Variants in EMCN observed in about 807,000 individuals in gnomAD.
EMCN encodes endomucin.
A neutral mutation model predicts 38.4 loss-of-function variants in EMCN; 37 were observed. That is an observed-to-expected ratio of 0.96 (90% CI 0.74 to 1.27). The LOEUF (loss-of-function observed/expected upper bound fraction) is 1.27. EMCN is among the 50% of genes most tolerant of loss of function. The probability of loss-of-function intolerance (pLI) is 0.00; values close to 1 mark genes in which losing one functional copy is unlikely to be tolerated. For missense variants in EMCN, 318 were observed against 302.8 expected (o/e 1.05, Z -0.37); for synonymous variants, 95 against 100.8 (o/e 0.94, Z 0.35).
chr4:100,491,498 C>G (rs1729074401), intron 1 of EMCN, among the ~76,000 whole-genome samples: 1 of 152,284 alleles, frequency 6.6e-6, no homozygotes, highest in South Asian at 2.1e-4. Context: ...GCCCCCCTGC[C>G]TCAAGGCTCC....
In EMCN at chr4:100,410,287, T is replaced by C. The variant is rs1309466480; in HGVS notation, c.*34A>G. 2.0e-5 allele frequency: 32 copies of C among 1,604,194 alleles called. No homozygotes were observed. In the Admixed American group the frequency reaches 5.3e-4, roughly 27 times the overall value. On this transcript the variant is annotated 3_prime_UTR_variant, in exon 11 of 12. Transcript: ENST00000296420. ...AATGAAATTGGGAAACTTACGTAATTATTGCCTAGGTGTGGAGAGAATTCC... is the reference window on the plus strand; with the variant it reads ...AATGAAATTGGGAAACTTACGTAATCATTGCCTAGGTGTGGAGAGAATTCC...
intron 2 of EMCN, among the ~76,000 whole-genome samples, chr4:100,477,416 C>T (rs929181752): frequency 6.6e-6 from 1 of 152,142 alleles, no homozygotes; most frequent in Non-Finnish European, 1.5e-5. Context: ...GAGGTCAAGT[C>T]CCATTTCTCT....
chr4:100,510,511 A>G (rs567281694), intron 1 of EMCN, among the ~76,000 whole-genome samples: 1 of 152,316 alleles, frequency 6.6e-6, no homozygotes, highest in Admixed American at 6.5e-5. Flanking sequence ...TATTTCATCT[A>G]CGGTGCAGGA....
intron 2 of EMCN, among the ~76,000 whole-genome samples, chr4:100,475,316 C>CACACAG (rs2110275345): frequency 1.3e-5 from 2 of 151,586 alleles, no homozygotes; most frequent in South Asian, 4.2e-4. Flanking sequence ...CACACACACA[C>CACACAG]ACACACACAC....
At chr4:100,517,732 T>C (rs1183064009) in intron 1 of EMCN, 119 bp downstream of exon 1, 1 of 893,656 alleles carries the variant, frequency 1.1e-6, no homozygotes, top group East Asian at 2.4e-5. Flanking sequence ...AACACTCAAC[T>C]CATCAAAGGA....
In EMCN at chr4:100,410,327, C is replaced by A. The variant is rs1726516350; in HGVS notation, c.780G>T (p.Lys260Asn). The A allele has an allele frequency of 6.2e-7, 1 of 1,613,642 alleles. No homozygotes were observed. The highest frequency in any genetic ancestry group is 8.5e-7 in the Non-Finnish European group (1 of 1,179,752). Reference protein sequence around the residue: ...SGEHSAQGKTKN With the variant: ...SGEHSAQGKTNN ...GAGAGAATTCCTCAAGCTGTCAGTT[C>A]TTGGTTTTTCCTTGTGCAGAGTGCT... The change falls in exon 11 of 12, where the codon AAG (lysine) becomes AAT (asparagine). Residue 260 changes from lysine to asparagine, a missense_variant. Transcript: ENST00000296420.
intron 1 of EMCN, among the ~76,000 whole-genome samples, chr4:100,491,329 C>T (rs1729070757): frequency 6.6e-6 from 1 of 152,164 alleles, no homozygotes; most frequent in East Asian, 1.9e-4. Flanking sequence ...GAACTAGCTG[C>T]ACCACACTTG....
At chr4:100,439,905 G>A (rs1011426086) in intron 5 of EMCN, among the ~76,000 whole-genome samples, 4 of 151,780 alleles carry the variant, frequency 2.6e-5, no homozygotes, top group Admixed American at 6.6e-5. Flanking sequence ...TCAGGAGCAC[G>A]TTACTTAATT....
intron 4 of EMCN, among the ~76,000 whole-genome samples, chr4:100,455,835 C>A (rs569424757): frequency 6.6e-6 from 1 of 152,088 alleles, no homozygotes; most frequent in African/African-American, 2.4e-5. Context: ...CACTCTGCCA[C>A]CCAGGCTGGA....
rs143890657 is a variant in EMCN, at chr4:100,446,009, G to A, written c.415+1524C>T. 58 of 913,574 alleles carry A rather than the reference G, an allele frequency of 6.3e-5. No individual in the cohort carries two copies. In the East Asian group the frequency reaches 8.2e-4, roughly 13 times the overall value. 56.6% of individuals were successfully genotyped at this position (913,574 alleles called of 1,614,324 possible). On this transcript the variant is annotated intron_variant, in intron 5 of 11. Transcript: ENST00000296420. The stretch of plus-strand genomic sequence containing the variant: ...TCCACAAAAATCAATTAAACTTATA[G>A]CTGGCATTTTGTAAATAAAATTTAT...
chr4:100,514,219 A>C (rs1464370510), intron 1 of EMCN, among the ~76,000 whole-genome samples: 1 of 151,998 alleles, frequency 6.6e-6, no homozygotes, highest in East Asian at 1.9e-4. Flanking sequence ...CCAAAACCAA[A>C]TACCATTTTT....
At chr4:100,473,365 G>GGTTTTTTTTTTTTTTTT (rs1728533364) in intron 3 of EMCN, among the ~76,000 whole-genome samples, 2 of 29,840 alleles carry the variant, frequency 6.7e-5, no homozygotes, top group Admixed American at 4.5e-4. Flanking sequence ...CCCGTTTCGT[G>GGTTTTTTTTTTTTTTTT]TTTTTTTGTT....
chr4:100,479,851 A>T, intron 2 of EMCN, 66 bp downstream of exon 2: 1 of 1,298,788 alleles, frequency 7.7e-7, no homozygotes, highest in Admixed American at 2.4e-5. Context: ...TTTCATACTG[A>T]TGTATATACA....
chr4:100,491,765 C>A (rs79082251), intron 1 of EMCN, among the ~76,000 whole-genome samples: 5 of 152,194 alleles, frequency 3.3e-5, no homozygotes, highest in African/African-American at 1.2e-4. Context: ...ATAGCAGAGC[C>A]CAGCCAGCTG....
chr4:100,402,889 G>A (rs1726294288), intron 11 of EMCN, among the ~76,000 whole-genome samples: 1 of 151,752 alleles, frequency 6.6e-6, no homozygotes, highest in Non-Finnish European at 1.5e-5. Context: ...TAATATTTGA[G>A]CATTTTGGTA....
At chr4:100,454,081 A>G in intron 4 of EMCN, among the ~76,000 whole-genome samples, 1 of 151,814 alleles carries the variant, frequency 6.6e-6, no homozygotes. Context: ...CTAAATGACG[A>G]GTTAATGGGT....
chr4:100,469,877 G>A (rs1728426968), intron 3 of EMCN, among the ~76,000 whole-genome samples: 1 of 151,250 alleles, frequency 6.6e-6, no homozygotes, highest in Admixed American at 6.6e-5. Flanking sequence ...TTGGCTATTT[G>A]GGTTCTTTTT....
At chr4:100,413,888 G>A (rs186306143) in intron 10 of EMCN, among the ~76,000 whole-genome samples, 75 of 152,284 alleles carry the variant, frequency 4.9e-4, no homozygotes, top group Non-Finnish European at 9.0e-4. Context: ...GTGGGCCAAC[G>A]GTCTATTTAA....
At position 100,423,022 on chromosome 4, in the gene EMCN, G is replaced by A. The variant is rs375179838; in HGVS notation, c.567C>T (p.Ser189=). Residue 189 remains serine (S), a splice_region_variant and synonymous_variant, in exon 7 of 12, where the codon TCC becomes TCT. Coordinates refer to ENST00000296420, the MANE Select transcript of EMCN (RefSeq NM_016242.4). ...ASTSATSRSY[S]SIILPVVIAL... ...AATGAAGGCATTGCTGTTACTCACT[G>A]GAATAAGACCGGCTGGTTGCTGAAG... 1 of 1,612,512 alleles carries A rather than the reference G, an allele frequency of 6.2e-7. No homozygotes were observed. Among genetic ancestry groups the A allele is most frequent in the Non-Finnish European group, 8.5e-7 (1 of 1,179,118 alleles).
Sources: gnomAD v4.1 joint callset for allele counts (sites outside exome capture counted in the v4.1 genomes callset) on GRCh38, gnomAD v4.1.1 for gene constraint, MANE v1.5 for transcripts, NCBI Gene and HGNC (gene_info 2026-07-23, HGNC 2026-07-21) for gene names.